Variants in GREB1L observed in about 807,000 individuals in gnomAD.
GREB1L encodes GREB1-like protein.
Under a neutral mutation model 200.8 loss-of-function variants are expected in GREB1L, and 17 were observed. The observed-to-expected ratio is 0.08, with a 90% CI of 0.06 to 0.13. GREB1L has a LOEUF of 0.13. GREB1L is among the 10% of genes least tolerant of loss of function. The probability of loss-of-function intolerance (pLI) is 1.00; values close to 1 mark genes in which losing one functional copy is unlikely to be tolerated. For missense variants in GREB1L, 1,657 were observed against 2,367.7 expected, an observed-to-expected ratio of 0.70 and a Z score of 6.23; for synonymous variants, 789 against 893.0, an observed-to-expected ratio of 0.88 and a Z score of 2.08.
Position 21,441,385 on chromosome 18 carries a change from CTT to C in GREB1L, c.1070-6_1070-5del. ...TTTTCACGCCATCTTTCTTGTCAAA[CTT>C]TTTTTTTTCCAGAGCCCCTTTTATC... On this transcript the variant is annotated splice_polypyrimidine_tract_variant and intron_variant, in intron 9 of 32. Transcript: ENST00000424526. 2.2e-6 allele frequency: 3 copies of C among 1,385,212 alleles called. No homozygotes were observed. The highest frequency in any genetic ancestry group is 5.3e-5 in the Admixed American group (2 of 37,860). 85.8% of individuals were successfully genotyped at this position (1,385,212 alleles called of 1,614,324 possible).
chr18:21,301,580 AG>A, intron 1 of GREB1L, among the ~76,000 whole-genome samples: 1 of 152,358 alleles, frequency 6.6e-6, no homozygotes, highest in East Asian at 1.9e-4. Flanking sequence ...AAAGCCTAGA[AG>A]TGGTAGAATT....
chr18:21,339,759 C>T (rs983130249), intron 1 of GREB1L, among the ~76,000 whole-genome samples: 1 of 152,166 alleles, frequency 6.6e-6, no homozygotes, highest in Non-Finnish European at 1.5e-5. Context: ...ATTAGGAAAC[C>T]TCTCTCAACC....
rs372618194 is a variant in GREB1L at position 21,436,806 on chromosome 18, G to A, written c.833-2715G>A. 3.3e-5 allele frequency among the ~76,000 whole-genome samples: 5 copies of A among 151,332 alleles called. No homozygotes were observed. The East Asian group carries it at 8.0e-4, about 24-fold the overall frequency. On this transcript the variant is annotated intron_variant, in intron 7 of 32. Transcript: ENST00000424526. The stretch of plus-strand genomic sequence containing the variant: ...GCTCACTGCAGCCTCAACCTCCCAG[G>A]CTTAAGCAACCCTCCCACCTCAGCC...
chr18:21,460,694 G>A (rs561657495), intron 15 of GREB1L, among the ~76,000 whole-genome samples: 7 of 151,962 alleles, frequency 4.6e-5, no homozygotes, highest in Non-Finnish European at 1.0e-4. Flanking sequence ...GGCTGTCATG[G>A]ACTCCATTTC....
intron 1 of GREB1L, among the ~76,000 whole-genome samples, chr18:21,345,492 C>T (rs2039331624): frequency 6.6e-6 from 1 of 152,136 alleles, no homozygotes; most frequent in Admixed American, 6.5e-5. Flanking sequence ...TTCCTGGCAC[C>T]ATCACTTGTC....
chr18:21,383,753 C>T, intron 3 of GREB1L, 78 bp downstream of exon 3: 1 of 1,413,352 alleles, frequency 7.1e-7, no homozygotes. Flanking sequence ...CCGTCTGTTG[C>T]CCAGGCTGGA....
At chr18:21,319,813 C>G (rs1191362571) in intron 1 of GREB1L, among the ~76,000 whole-genome samples, 2 of 152,134 alleles carry the variant, frequency 1.3e-5, no homozygotes, top group African/African-American at 4.8e-5. Flanking sequence ...AGAGGCAAAA[C>G]CAATAATTTT....
chr18:21,452,317 A>T, intron 14 of GREB1L, 100 bp downstream of exon 14: 1 of 1,161,834 alleles, frequency 8.6e-7, no homozygotes, highest in Admixed American at 2.7e-5. Context: ...CAAGTCACAG[A>T]CCACAACAGC....
chr18:21,309,854 A>G (rs914304386), intron 1 of GREB1L, among the ~76,000 whole-genome samples: 5 of 152,086 alleles, frequency 3.3e-5, no homozygotes, highest in African/African-American at 1.2e-4. Context: ...TGGGGAGAGG[A>G]CAGGGATACT....
At chr18:21,474,321 ACAGC>A (rs2145699453) in intron 16 of GREB1L, among the ~76,000 whole-genome samples, 1 of 152,326 alleles carries the variant, frequency 6.6e-6, no homozygotes, top group Non-Finnish European at 1.5e-5. Context: ...TTGGATAAAT[ACAGC>A]CATTACAAAT....
At chr18:21,282,607 T>C (rs2038287678) in intron 1 of GREB1L, among the ~76,000 whole-genome samples, 2 of 151,954 alleles carry the variant, frequency 1.3e-5, no homozygotes, top group African/African-American at 2.4e-5. Context: ...ACCATTACTT[T>C]TTTTTTTTTT....
At position 21,401,212 on chromosome 18, in the gene GREB1L, A is replaced by T; in HGVS notation, c.595A>T (p.Asn199Tyr). ...RGFRYFTEFS[N>Y]HINLKLTTQP... ...ATTTCGATATTTCACGGAATTTTCC[A>T]ACCACATTAACTTGAAGCTCACCAC... The change falls in exon 6 of 33, where the codon AAC becomes TAC. Residue 199 changes from asparagine (N) to tyrosine (Y), a missense_variant. Asn to Tyr is a moderately radical substitution (Grantham distance 143, BLOSUM62 -2). Around this residue, in one of 9 missense-constraint regions of GREB1L, gnomAD observed 70 missense variants for 151.3 expected, o/e 0.46. Coordinates refer to ENST00000424526, the MANE Select transcript of GREB1L (RefSeq NM_001142966.3). 2.6e-6 allele frequency: 4 copies of T among 1,551,624 alleles called. No homozygotes were observed. The highest frequency in any genetic ancestry group is 3.5e-6 in the Non-Finnish European group (4 of 1,146,942).
intron 7 of GREB1L, among the ~76,000 whole-genome samples, chr18:21,417,863 C>T (rs1421208508): frequency 6.6e-6 from 1 of 151,720 alleles, no homozygotes; most frequent in Non-Finnish European, 1.5e-5. Context: ...CACCTATAGT[C>T]CCAGCTACTC....
intron 27 of GREB1L, among the ~76,000 whole-genome samples, chr18:21,509,716 T>C (rs2037161466): frequency 6.6e-6 from 1 of 152,152 alleles, no homozygotes; most frequent in Admixed American, 6.6e-5. Context: ...CTGAAGCCTT[T>C]TTCTATATGA....
At chr18:21,492,532 G>A (rs998230444) in intron 19 of GREB1L, among the ~76,000 whole-genome samples, 4 of 151,992 alleles carry the variant, frequency 2.6e-5, no homozygotes, top group African/African-American at 9.7e-5. Context: ...TGTTCAGAAG[G>A]GCCAGTCACT....
chr18:21,380,595 G>A (rs566191423), intron 2 of GREB1L: 1 of 152,174 alleles, frequency 6.6e-6, no homozygotes, highest in African/African-American at 2.4e-5. Context: ...CTGAGTCCTG[G>A]CTCTATCCCT....
chr18:21,515,964 C>T (rs1205201793), intron 29 of GREB1L, among the ~76,000 whole-genome samples: 1 of 152,074 alleles, frequency 6.6e-6, no homozygotes, highest in Admixed American at 6.5e-5. Context: ...AAGCCTCCTT[C>T]ACCCTCCAGA....
intron 1 of GREB1L, among the ~76,000 whole-genome samples, chr18:21,272,069 A>G (rs1403930480): frequency 6.6e-6 from 1 of 152,176 alleles, no homozygotes; most frequent in Admixed American, 6.5e-5. Context: ...TTGACTACAC[A>G]CTACCCTCAC....
At chr18:21,274,293 C>T (rs2038126162) in intron 1 of GREB1L, among the ~76,000 whole-genome samples, 2 of 152,248 alleles carry the variant, frequency 1.3e-5, no homozygotes, top group African/African-American at 2.4e-5. Context: ...AAACTTAACT[C>T]CTAAAACCAT....
Sources: gnomAD v4.1 joint callset for allele counts (sites outside exome capture counted in the v4.1 genomes callset) on GRCh38, gnomAD v4.1.1 for gene constraint, gnomAD v4.1.1 regional missense constraint, MANE v1.5 for transcripts, NCBI Gene and HGNC (gene_info 2026-07-23, HGNC 2026-07-21) for gene names.